RBM17: variants seen among roughly 807,000 people sequenced by gnomAD.
RBM17 encodes the protein RNA binding motif protein 17.
In RBM17, 7 loss-of-function variants were observed where a neutral mutation model predicts 53.2. The ratio of observed to expected loss-of-function variants is 0.13; its 90% CI spans 0.07 to 0.25. RBM17 has a LOEUF of 0.25. RBM17 is among the 10% of genes least tolerant of loss of function. The pLI is 1.00. For synonymous variants in RBM17, 167 were observed against 178.1 expected (o/e 0.94, Z 0.50); for missense variants, 257 against 496.7 (o/e 0.52, Z 4.59).
At position 6,112,474 on chromosome 10, in the gene RBM17, A is replaced by G. The variant is rs776890021; in HGVS notation, c.856+113A>G. The stretch of plus-strand genomic sequence containing the variant: ...CAGGGGGACAATGAGGCGTGTGGCC[A>G]GAGGGAGAGGGCTGGCCCTGCCATC... On this transcript the variant is annotated intron_variant, in intron 8 of 11. Coordinates refer to ENST00000379888, the MANE Select transcript of RBM17 (RefSeq NM_032905.5). This position sits in a 1 kb window ranked among gnomAD's most constrained non-coding sequence, Gnocchi z 4.4. 6 of 1,285,490 alleles carry G rather than the reference A, an allele frequency of 4.7e-6. No individual in the cohort carries two copies. In the Admixed American group the frequency reaches 1.2e-4, roughly 25 times the overall value. The allele number at this position is 1,285,490 out of a possible 1,614,324, so 79.6% of individuals were successfully genotyped here. A position where few individuals can be genotyped will look rare whatever the true frequency, so the allele number is the denominator to read the frequency against.
rs1250452409 is a variant in RBM17 at position 6,115,121 on chromosome 10, C to G, written c.1030-118C>G. ...TACTTATTTCCTTGGTATTTGACAA[C>G]TACTTGACTGTATATGATGATAATT... On this transcript the variant is annotated intron_variant, in intron 10 of 11. Coordinates refer to ENST00000379888, the MANE Select transcript of RBM17 (RefSeq NM_032905.5). 6.4e-6 allele frequency: 5 copies of G among 776,644 alleles called. No homozygotes were observed. The South Asian group carries it at 7.3e-5, about 11-fold the overall frequency. The allele number at this position is 776,644 out of a possible 1,614,324, so 48.1% of individuals were successfully genotyped here.
chr10:6,105,603 G>A (rs1840737403), intron 4 of RBM17, among the ~76,000 whole-genome samples: 2 of 152,170 alleles, frequency 1.3e-5, no homozygotes, highest in South Asian at 4.1e-4. Flanking sequence ...GCTATTTAAA[G>A]TACTTGAAAT....
rs767906438 is a variant in RBM17, at chr10:6,106,241, A to AT, written c.505+3_505+4insT. ...TGAGCGAGAGAGGAGGAAAAGAAGT[A>AT]AGGCATGAACAAATATGTCTTAAAC... On this transcript the variant is annotated splice_donor_region_variant and intron_variant, in intron 5 of 11. Transcript: ENST00000379888. 1.9e-6 allele frequency: 3 copies of AT among 1,593,076 alleles called. No individual in the cohort carries two copies. The highest frequency in any genetic ancestry group is 2.6e-6 in the Non-Finnish European group (3 of 1,161,298).
Position 6,117,409 on chromosome 10 carries a change from T to G in RBM17, c.*1853T>G, listed in dbSNP as rs1564571302. Reference sequence around the variant, plus strand: ...TAACATTTAAGCTAATATAAAAATTTTAAATTTCAATAAAAATTAAAAATT... The same window carrying G: ...TAACATTTAAGCTAATATAAAAATTGTAAATTTCAATAAAAATTAAAAATT... On this transcript the variant is annotated 3_prime_UTR_variant, in exon 12 of 12. Coordinates refer to ENST00000379888, the MANE Select transcript of RBM17 (RefSeq NM_032905.5). The G allele has an allele frequency of 6.6e-6, 1 of 152,170 alleles. No individual in the cohort carries two copies. The highest frequency in any genetic ancestry group is 1.5e-5 in the Non-Finnish European group (1 of 68,032). 9.4% of individuals were successfully genotyped at this position (152,170 alleles called of 1,614,324 possible). A position where few individuals can be genotyped will look rare whatever the true frequency, so the allele number is the denominator to read the frequency against.
At chr10:6,103,509 TTC>T (rs1470047976) in intron 3 of RBM17, among the ~76,000 whole-genome samples, 3 of 152,236 alleles carry the variant, frequency 2.0e-5, no homozygotes, top group Admixed American at 6.5e-5. Context: ...GGTTGTCATT[TTC>T]TCTCTAAATA....
intron 3 of RBM17, among the ~76,000 whole-genome samples, chr10:6,101,982 A>G (rs192565397): frequency 3.1e-4 from 47 of 152,094 alleles, no homozygotes; most frequent in African/African-American, 1.0e-3. Context: ...CATGTGGTCA[A>G]CTCTATAAAT....
At chr10:6,093,420 C>T (rs1349253128) in intron 1 of RBM17, among the ~76,000 whole-genome samples, 14 of 152,080 alleles carry the variant, frequency 9.2e-5, no homozygotes, top group East Asian at 1.9e-4. Context: ...GTTTTCACCA[C>T]GTAGGCCAGG....
intron 9 of RBM17, chr10:6,113,844 A>G: frequency 3.4e-6 from 2 of 584,976 alleles, no homozygotes; most frequent in Admixed American, 3.2e-5. Flanking sequence ...GTGCTTGCAT[A>G]GATGCTTTTG....
intron 7 of RBM17, among the ~76,000 whole-genome samples, chr10:6,110,450 A>G (rs11256810): frequency 0.034 from 5,134 of 152,274 alleles, 182 homozygotes; most frequent in African/African-American, 0.091. Flanking sequence ...GAGCTGACTT[A>G]CTGTCTCCAA....
At chr10:6,113,840 G>A in intron 9 of RBM17, 1 of 587,884 alleles carries the variant, frequency 1.7e-6, no homozygotes, top group South Asian at 2.2e-5. Flanking sequence ...TTTGGTGCTT[G>A]CATAGATGCT....
Position 6,112,440 on chromosome 10 carries a change from A to C in RBM17, c.856+79A>C. On this transcript the variant is annotated intron_variant, in intron 8 of 11. Transcript: ENST00000379888. The surrounding 1 kb of genome is among the most constrained non-coding windows in gnomAD (Gnocchi z 4.4). ...TCAGACATGGCCAGTCTTGATCCTC[A>C]TGTGTCAGCAGGGGGACAATGAGGC... is the stretch of plus-strand genomic sequence containing the variant. 6.5e-7 allele frequency: 1 copy of C among 1,540,440 alleles called. No individual in the cohort carries two copies. The highest frequency in any genetic ancestry group is 8.9e-7 in the Non-Finnish European group (1 of 1,123,448).
In RBM17 at chr10:6,089,066, G is replaced by T. The variant is rs3750669; in HGVS notation, c.-146G>T. The T allele has an allele frequency of 0.033, 4,974 of 150,950 alleles. 109 individuals are homozygous for T. Among genetic ancestry groups the T allele is most frequent in the Admixed American group, 0.073 (1,109 of 15,128 alleles). The allele number at this position is 150,950 out of a possible 1,614,324, so 9.4% of individuals were successfully genotyped here. A position where few individuals can be genotyped will look rare whatever the true frequency, so the allele number is the denominator to read the frequency against. On this transcript the variant is annotated 5_prime_UTR_variant, in exon 1 of 12. Coordinates refer to ENST00000379888, the MANE Select transcript of RBM17 (RefSeq NM_032905.5). This position sits in a 1 kb window ranked among gnomAD's most constrained non-coding sequence, Gnocchi z 5.6. ...GCTCCCTGACCCCGCGCCGCCGAGC[G>T]CCCTGAGGACTCAGCGAAGGGTGGG...
At chr10:6,104,667 C>T (rs908869303) in intron 3 of RBM17, among the ~76,000 whole-genome samples, 1 of 152,056 alleles carries the variant, frequency 6.6e-6, no homozygotes, top group African/African-American at 2.4e-5. Flanking sequence ...CTGGTGGTGG[C>T]TTATTTAGGA....
chr10:6,113,099 C>A, intron 8 of RBM17: 1 of 183,586 alleles, frequency 5.4e-6, no homozygotes. Context: ...GTTGTCCCGA[C>A]TTGTGAGGTT....
At chr10:6,104,802 CTTTAA>C in intron 3 of RBM17, 124 bp from the exon 4 acceptor site, 3 of 747,734 alleles carry the variant, frequency 4.0e-6, no homozygotes, top group Middle Eastern at 8.3e-4. Flanking sequence ...TTTTCTTTGT[CTTTAA>C]AACAGAGGAA....
At chr10:6,107,592 C>A (rs1840773576) in intron 5 of RBM17, among the ~76,000 whole-genome samples, 1 of 137,662 alleles carries the variant, frequency 7.3e-6, no homozygotes, top group Non-Finnish European at 1.5e-5. Context: ...AATGATTCTT[C>A]TGCCTCAGCC....
chr10:6,117,239 G>A lies in RBM17; in HGVS notation c.*1683G>A, dbSNP rs1384662076. On this transcript the variant is annotated 3_prime_UTR_variant, in exon 12 of 12. Coordinates refer to ENST00000379888, the MANE Select transcript of RBM17 (RefSeq NM_032905.5). Reference sequence around the variant, plus strand: ...TCCGTTCGCATGAGGACAGCTTGGTGTGTGCCTTTCTCCCCAGTCTTTTAT... The same window carrying A: ...TCCGTTCGCATGAGGACAGCTTGGTATGTGCCTTTCTCCCCAGTCTTTTAT... The A allele has an allele frequency of 6.6e-6, 1 of 152,318 alleles. No homozygotes were observed. Among genetic ancestry groups the A allele is most frequent in the African/African-American group, 2.4e-5 (1 of 41,436 alleles). 9.4% of individuals were successfully genotyped at this position (152,318 alleles called of 1,614,324 possible). A position where few individuals can be genotyped will look rare whatever the true frequency, so the allele number is the denominator to read the frequency against.
intron 2 of RBM17, among the ~76,000 whole-genome samples, chr10:6,097,870 C>T (rs1400192354): frequency 2.0e-5 from 3 of 152,142 alleles, no homozygotes; most frequent in Non-Finnish European, 4.4e-5. Context: ...AGCATTCCTA[C>T]TGGTTTGGTG....
At chr10:6,095,805 G>C (rs1840564054) in intron 1 of RBM17, among the ~76,000 whole-genome samples, 1 of 152,162 alleles carries the variant, frequency 6.6e-6, no homozygotes, top group Non-Finnish European at 1.5e-5. Context: ...ACACAGTGTG[G>C]TACCAACATC....
Sources: allele counts gnomAD v4.1 joint callset (sites outside exome capture counted in the v4.1 genomes callset), GRCh38; gene constraint gnomAD v4.1.1; non-coding constraint Gnocchi (gnomAD v3.1); transcripts MANE v1.5; gene names NCBI Gene and HGNC (gene_info 2026-07-23, HGNC 2026-07-21).